Variants in BICRA observed in about 807,000 individuals in gnomAD.
The protein encoded by BICRA is BRD4-interacting chromatin-remodeling complex-associated protein.
BICRA carries 31 observed loss-of-function variants against 96.9 expected under a neutral mutation model. The observed-to-expected ratio is 0.32, with a 90% CI of 0.24 to 0.43. The LOEUF (loss-of-function observed/expected upper bound fraction) is 0.43. BICRA is among the 20% of genes least tolerant of loss of function. The probability of loss-of-function intolerance (pLI) is 1.00; values close to 1 mark genes in which losing one functional copy is unlikely to be tolerated. For missense variants in BICRA, 2,283 were observed against 2,190.3 expected, an observed-to-expected ratio of 1.04 and a Z score of -0.84; for synonymous variants, 1,350 against 1,071.8, an observed-to-expected ratio of 1.26 and a Z score of -5.07.
chr19:47,701,077 C>T lies in BICRA; in HGVS notation c.3596-251C>T, dbSNP rs1973433887. On this transcript the variant is annotated intron_variant, in intron 14 of 14. Coordinates refer to ENST00000594866, the MANE Select transcript of BICRA (RefSeq NM_001394372.1). This position sits in a 1 kb window ranked among gnomAD's most constrained non-coding sequence, Gnocchi z 5.4. ...ACAGGCCTGAGCCTTGTTTTGTATT[C>T]TCTTAATTTACTTATGTCTGAATGA... is the stretch of plus-strand genomic sequence containing the variant. 1.9e-6 allele frequency: 1 copy of T among 535,786 alleles called. No homozygotes were observed. The highest frequency in any genetic ancestry group is 3.3e-6 in the Non-Finnish European group (1 of 305,174). 33.2% of individuals were successfully genotyped at this position (535,786 alleles called of 1,614,324 possible).
At chr19:47,609,953 G>A (rs1195225916) in intron 1 of BICRA, among the ~76,000 whole-genome samples, 2 of 62,994 alleles carry the variant, frequency 3.2e-5, no homozygotes, top group Non-Finnish European at 6.9e-5. Flanking sequence ...TCCCGGAGGG[G>A]GCCGTTACGG....
intron 1 of BICRA, among the ~76,000 whole-genome samples, chr19:47,634,727 C>T (rs374647596): frequency 4.2e-4 from 63 of 151,654 alleles, no homozygotes; most frequent in African/African-American, 1.5e-3. Flanking sequence ...TGGTGCCATC[C>T]TCAACTCTCT....
At position 47,699,491 on chromosome 19, in the gene BICRA, G is replaced by A. The variant is rs970092147; in HGVS notation, c.3595+86G>A. ...AGAGTTAGATTCAGGGCGGGGAGTG[G>A]GTGTGTGGCCCTACCTCACTCCACC... is the stretch of plus-strand genomic sequence containing the variant. On this transcript the variant is annotated intron_variant, in intron 14 of 14. Coordinates refer to ENST00000594866, the MANE Select transcript of BICRA (RefSeq NM_001394372.1). The surrounding 1 kb of genome is among the most constrained non-coding windows in gnomAD (Gnocchi z 5.0). 1.3e-6 allele frequency: 1 copy of A among 785,736 alleles called. No homozygotes were observed. 48.7% of individuals were successfully genotyped at this position (785,736 alleles called of 1,614,324 possible).
intron 1 of BICRA, among the ~76,000 whole-genome samples, chr19:47,661,444 G>A (rs527447882): frequency 6.6e-6 from 1 of 152,070 alleles, no homozygotes; most frequent in South Asian, 2.1e-4. Context: ...GGGGGTTCGC[G>A]GGGAGGAGCA....
Position 47,675,464 on chromosome 19 carries a change from A to C in BICRA, c.85-387A>C, listed in dbSNP as rs1221378143. On this transcript the variant is annotated intron_variant, in intron 4 of 14. Coordinates refer to ENST00000594866, the MANE Select transcript of BICRA (RefSeq NM_001394372.1). The surrounding 1 kb of genome is among the most constrained non-coding windows in gnomAD (Gnocchi z 4.7). ...GGCACTCAGGCTGCGTTGGGAAAGG[A>C]GTACTTAGTGAGAAGGGACAGGAGC... 1.3e-5 allele frequency among the ~76,000 whole-genome samples: 2 copies of C among 152,172 alleles called. No homozygotes were observed. The highest frequency in any genetic ancestry group is 1.3e-4 in the Admixed American group (2 of 15,278).
At chr19:47,668,623 G>A (rs1214504421) in intron 1 of BICRA, among the ~76,000 whole-genome samples, 9 of 151,652 alleles carry the variant, frequency 5.9e-5, no homozygotes, top group Non-Finnish European at 7.4e-5. Flanking sequence ...GAGTAGGCAC[G>A]ACTACAGGCA....
At chr19:47,693,802 AG>A (rs998549554) in intron 7 of BICRA, among the ~76,000 whole-genome samples, 4 of 152,092 alleles carry the variant, frequency 2.6e-5, no homozygotes, top group African/African-American at 9.7e-5. Context: ...CCAACCCTGC[AG>A]GGCTCGCCTT....
intron 1 of BICRA, among the ~76,000 whole-genome samples, chr19:47,654,069 C>T (rs1568558947): frequency 6.6e-6 from 1 of 152,126 alleles, no homozygotes; most frequent in Non-Finnish European, 1.5e-5. Flanking sequence ...AATTGCTGGG[C>T]CACGTGGCAA....
At position 47,694,095 on chromosome 19, in the gene BICRA, T is replaced by TTC; in HGVS notation, c.2284-20_2284-19insTC. 1 of 622,604 alleles carries TTC rather than the reference T, an allele frequency of 1.6e-6. No individual in the cohort carries two copies. The highest frequency in any genetic ancestry group is 2.0e-6 in the Non-Finnish European group (1 of 506,960). The allele number at this position is 622,604 out of a possible 1,614,324, so 38.6% of individuals were successfully genotyped here. ...GGTTCTGACCCCCGCCCCTCCCCTCTCCCTCCCTCCCCTGCCCAGATCCCG... is the reference window on the plus strand; with the variant it reads ...GGTTCTGACCCCCGCCCCTCCCCTCTTCCCCTCCCTCCCCTGCCCAGATCCCG... On this transcript the variant is annotated intron_variant, in intron 7 of 14. Transcript: ENST00000594866.
chr19:47,641,139 C>G (rs1217976267), intron 1 of BICRA, among the ~76,000 whole-genome samples: 2 of 134,514 alleles, frequency 1.5e-5, no homozygotes, highest in African/African-American at 5.7e-5. Flanking sequence ...CCAGGATGGT[C>G]TCGGTCTCCT....
Position 47,651,398 on chromosome 19 carries a change from C to G in BICRA, c.-107-19045C>G, listed in dbSNP as rs547800872. ...CTCCTCCTTCTGCCTGGAGCCCGCTCTCCTGGGGTGGCCACATTGCTGCTC... is the reference window on the plus strand; with the variant it reads ...CTCCTCCTTCTGCCTGGAGCCCGCTGTCCTGGGGTGGCCACATTGCTGCTC... On this transcript the variant is annotated intron_variant, in intron 1 of 14. Coordinates refer to ENST00000594866, the MANE Select transcript of BICRA (RefSeq NM_001394372.1). Among the ~76,000 whole-genome samples, 21 of 152,244 alleles carry G rather than the reference C, an allele frequency of 1.4e-4. No individual in the cohort carries two copies. In the South Asian group the frequency reaches 2.1e-3, roughly 15 times the overall value.
intron 1 of BICRA, among the ~76,000 whole-genome samples, chr19:47,656,007 G>A (rs569667544): frequency 2.0e-5 from 3 of 150,944 alleles, no homozygotes; most frequent in South Asian, 4.2e-4. Flanking sequence ...GGCCAAGGTG[G>A]GAGAATCGCT....
chr19:47,666,300 T>A (rs1046816642), intron 1 of BICRA, among the ~76,000 whole-genome samples: 1 of 150,818 alleles, frequency 6.6e-6, no homozygotes, highest in African/African-American at 2.4e-5. Flanking sequence ...TTTTCTTCTT[T>A]TTTTTTTTGA....
In BICRA at chr19:47,673,671, C is replaced by A. The variant is rs200303031; in HGVS notation, c.42-49C>A. On this transcript the variant is annotated intron_variant, in intron 3 of 14. Transcript: ENST00000594866. ...CTGTCTCAACCCCCTCCCTTCCCTC[C>A]CCTCCCCAGCTCCTTACCTCCTCAG... The A allele has an allele frequency of 1.7e-4, 270 of 1,570,708 alleles. 1 individual carries two copies. The East Asian group carries it at 4.7e-3, about 27-fold the overall frequency.
chr19:47,668,830 G>A (rs1972821856), intron 1 of BICRA, among the ~76,000 whole-genome samples: 1 of 151,716 alleles, frequency 6.6e-6, no homozygotes, highest in African/African-American at 2.4e-5. Flanking sequence ...TGTTTAAAAT[G>A]GCTCCTAGGC....
At chr19:47,609,608 G>T (rs1170987910) in intron 1 of BICRA, among the ~76,000 whole-genome samples, 1 of 151,548 alleles carries the variant, frequency 6.6e-6, no homozygotes, top group Admixed American at 6.6e-5. Flanking sequence ...GGGGCGCGGA[G>T]ACCCCCTCCC....
At chr19:47,640,739 C>T (rs1822360719) in intron 1 of BICRA, among the ~76,000 whole-genome samples, 1 of 151,934 alleles carries the variant, frequency 6.6e-6, no homozygotes, top group South Asian at 2.1e-4. Context: ...GGCGAGGGAG[C>T]AAGCCCCATC....
Position 47,699,379 on chromosome 19 carries a change from A to T in BICRA, c.3569A>T (p.Asp1190Val), listed in dbSNP as rs1481476031. The stretch of plus-strand genomic sequence containing the variant: ...GAGGAGAAGACCACCCTTGCCTTGG[A>T]TAAACAGCTGGCCAAGGAGAAGCCG... ...IQEEKTTLAL[D>V]KQLAKEKPDE... The change falls in exon 14 of 15, where the codon GAT becomes GTT. Residue 1190 changes from aspartate (D) to valine (V), a missense_variant. Asp to Val is a radical substitution (Grantham distance 152). Coordinates refer to ENST00000594866, the MANE Select transcript of BICRA (RefSeq NM_001394372.1). The surrounding 1 kb of genome is among the most constrained non-coding windows in gnomAD (Gnocchi z 5.0). The T allele has an allele frequency of 3.2e-6, 5 of 1,564,612 alleles. No individual in the cohort carries two copies. The highest frequency in any genetic ancestry group is 2.6e-6 in the Non-Finnish European group (3 of 1,154,206).
At chr19:47,688,843 G>T (rs1008098898) in intron 7 of BICRA, among the ~76,000 whole-genome samples, 1 of 151,862 alleles carries the variant, frequency 6.6e-6, no homozygotes, top group Non-Finnish European at 1.5e-5. Context: ...TTGTTTTTGA[G>T]ACAGAGTCTC....
Sources: allele counts gnomAD v4.1 joint callset (sites outside exome capture counted in the v4.1 genomes callset), GRCh38; gene constraint gnomAD v4.1.1; non-coding constraint Gnocchi (gnomAD v3.1); transcripts MANE v1.5; gene names NCBI Gene and HGNC (gene_info 2026-07-23, HGNC 2026-07-21).